UNC13C: variants seen among roughly 807,000 people sequenced by gnomAD.
UNC13C encodes the protein protein unc-13 homolog C.
A neutral mutation model predicts 245.4 loss-of-function variants in UNC13C; 174 were observed. The ratio of observed to expected loss-of-function variants is 0.71; its 90% CI spans 0.63 to 0.80. UNC13C has a LOEUF of 0.80. Ranked by LOEUF, UNC13C falls within the 30% of genes least tolerant of loss-of-function variation. The probability of loss-of-function intolerance (pLI) is 0.00; values close to 1 mark genes in which losing one functional copy is unlikely to be tolerated. For missense variants in UNC13C, 2,829 were observed against 2,602.9 expected (o/e 1.09, Z -1.89); for synonymous variants, 992 against 895.1 (o/e 1.11, Z -1.93).
At chr15:54,005,404 C>T (rs1895090165) in intron 1 of UNC13C, among the ~76,000 whole-genome samples, 2 of 152,122 alleles carry the variant, frequency 1.3e-5, no homozygotes, top group Non-Finnish European at 2.9e-5. Context: ...GGCTGCATCA[C>T]TTCCAAGCTA....
chr15:54,148,813 G>C (rs2032391123), intron 4 of UNC13C, among the ~76,000 whole-genome samples: 1 of 152,160 alleles, frequency 6.6e-6, no homozygotes, highest in African/African-American at 2.4e-5. Flanking sequence ...CTGAGTCAGT[G>C]GTTTACCCTA....
chr15:54,345,856 C>G (rs899833531), intron 17 of UNC13C, among the ~76,000 whole-genome samples: 3 of 152,200 alleles, frequency 2.0e-5, no homozygotes, highest in African/African-American at 7.2e-5. Context: ...TCAACATCAT[C>G]TCCACATTGC....
intron 28 of UNC13C, among the ~76,000 whole-genome samples, chr15:54,550,753 A>G (rs1430057941): frequency 6.6e-6 from 1 of 152,170 alleles, no homozygotes; most frequent in Non-Finnish European, 1.5e-5. Flanking sequence ...TGTCACTGCC[A>G]AACTATTATT....
the UNC13C span, among the ~76,000 whole-genome samples, chr15:53,863,485 C>A: frequency 6.6e-6 from 1 of 152,146 alleles, no homozygotes; most frequent in Non-Finnish European, 1.5e-5. Flanking sequence ...AGCTGTTTAT[C>A]ATAATGATAT....
intron 2 of UNC13C, among the ~76,000 whole-genome samples, chr15:54,119,869 G>A (rs993073949): frequency 1.3e-5 from 2 of 152,114 alleles, no homozygotes; most frequent in African/African-American, 4.8e-5. Flanking sequence ...TTAAGCCAAA[G>A]CCTAATTCAC....
At chr15:54,085,871 G>T (rs1479528888) in intron 2 of UNC13C, among the ~76,000 whole-genome samples, 1 of 150,940 alleles carries the variant, frequency 6.6e-6, no homozygotes, top group African/African-American at 2.5e-5. Flanking sequence ...ATTTAAAAAT[G>T]TTTAAAAAAA....
At chr15:54,066,008 C>G (rs560614345) in intron 2 of UNC13C, among the ~76,000 whole-genome samples, 7 of 152,290 alleles carry the variant, frequency 4.6e-5, no homozygotes, top group Non-Finnish European at 1.0e-4. Context: ...GCATGAACAC[C>G]TATGCAAAAT....
intron 13 of UNC13C, chr15:54,321,472 A>T: frequency 2.0e-6 from 1 of 487,834 alleles, no homozygotes; most frequent in Non-Finnish European, 4.1e-6. Flanking sequence ...TCATGGCTAC[A>T]TCCACCTCCT....
chr15:54,156,764 T>C (rs2032765031), intron 4 of UNC13C, among the ~76,000 whole-genome samples: 1 of 90,944 alleles, frequency 1.1e-5, no homozygotes, highest in Admixed American at 1.1e-4. Context: ...GGACGGTGCC[T>C]GCAACTGTGG....
chr15:54,426,299 G>T (rs1426977407), intron 19 of UNC13C, among the ~76,000 whole-genome samples: 1 of 148,994 alleles, frequency 6.7e-6, no homozygotes, highest in Non-Finnish European at 1.5e-5. Context: ...AGTTCAACTG[G>T]TGAAGGTTCT....
At chr15:54,611,823 A>C (rs147546289) in intron 30 of UNC13C, among the ~76,000 whole-genome samples, 2,619 of 152,240 alleles carry the variant, frequency 0.017, 28 homozygotes, top group Non-Finnish European at 0.027. Context: ...GATATTACTC[A>C]AAAAATTAAG....
intron 19 of UNC13C, among the ~76,000 whole-genome samples, chr15:54,423,806 C>T (rs1237707217): frequency 1.3e-5 from 2 of 151,620 alleles, no homozygotes; most frequent in Non-Finnish European, 2.9e-5. Context: ...TGTATTTTTT[C>T]TATCATTTTC....
At chr15:54,461,949 G>C (rs533179613) in intron 19 of UNC13C, among the ~76,000 whole-genome samples, 1 of 152,272 alleles carries the variant, frequency 6.6e-6, no homozygotes, top group East Asian at 1.9e-4. Flanking sequence ...AGAGATCACT[G>C]TCAGTACTGG....
chr15:54,108,450 G>C (rs1327931893), intron 2 of UNC13C, among the ~76,000 whole-genome samples: 1 of 152,142 alleles, frequency 6.6e-6, no homozygotes, highest in African/African-American at 2.4e-5. Context: ...GCCTCTCAAA[G>C]TGCTGGGATT....
intron 15 of UNC13C, among the ~76,000 whole-genome samples, chr15:54,332,898 T>C (rs1025831952): frequency 6.6e-6 from 1 of 152,054 alleles, no homozygotes; most frequent in African/African-American, 2.4e-5. Flanking sequence ...TTATGGAAGT[T>C]ATAATACCAA....
chr15:54,340,006 A>G (rs2038691259), intron 17 of UNC13C, among the ~76,000 whole-genome samples: 1 of 152,038 alleles, frequency 6.6e-6, no homozygotes, highest in Non-Finnish European at 1.5e-5. Context: ...GTGGTATTGC[A>G]TTGTGGTTTG....
At chr15:54,178,436 T>A (rs1265177171) in intron 4 of UNC13C, among the ~76,000 whole-genome samples, 2 of 152,080 alleles carry the variant, frequency 1.3e-5, no homozygotes, top group African/African-American at 4.8e-5. Context: ...ATGAAGTATC[T>A]CAAATTAAAA....
At chr15:54,407,930 G>C (rs567084193) in intron 18 of UNC13C, among the ~76,000 whole-genome samples, 3 of 151,840 alleles carry the variant, frequency 2.0e-5, no homozygotes, top group African/African-American at 7.3e-5. Flanking sequence ...GGCGGGGTGC[G>C]GTGGCTCACA....
At chr15:54,022,505 A>T (rs193025465) in intron 2 of UNC13C, among the ~76,000 whole-genome samples, 1 of 152,216 alleles carries the variant, frequency 6.6e-6, no homozygotes, top group Admixed American at 6.5e-5. Flanking sequence ...TTTCCCTGAG[A>T]TACTGAGCAT....
Sources: gnomAD v4.1 joint callset for allele counts (sites outside exome capture counted in the v4.1 genomes callset) on GRCh38, gnomAD v4.1.1 for gene constraint, MANE v1.5 for transcripts, NCBI Gene and HGNC (gene_info 2026-07-23, HGNC 2026-07-21) for gene names.